The following YIPF7 variants were observed in gnomAD, a reference collection of about 807,000 sequenced individuals.
The protein encoded by YIPF7 is protein YIPF7.
A neutral mutation model predicts 27.2 loss-of-function variants in YIPF7; 35 were observed. The observed-to-expected ratio is 1.29, with a 90% confidence interval of 0.98 to 1.70. The LOEUF (loss-of-function observed/expected upper bound fraction) is 1.70. Among genes scored for constraint, YIPF7 ranks in the 40% most tolerant of loss-of-function variants. The probability of loss-of-function intolerance (pLI) is 0.00; values close to 1 mark genes in which losing one functional copy is unlikely to be tolerated. For synonymous variants in YIPF7, 137 were observed against 110.4 expected (o/e 1.24, Z -1.51); for missense variants, 358 against 303.7 (o/e 1.18, Z -1.33).
intron 5 of YIPF7, 74 bp downstream of exon 5, chr4:44,624,527 A>C: frequency 7.0e-7 from 1 of 1,428,286 alleles, no homozygotes; most frequent in Admixed American, 2.8e-5. Flanking sequence ...GGAAGGGCTC[A>C]ACTTTTTCAT....
chr4:44,651,938 A>G (rs1713751480), upstream of YIPF7, among the ~76,000 whole-genome samples: 1 of 152,232 alleles, frequency 6.6e-6, no homozygotes, highest in Admixed American at 6.5e-5. Flanking sequence ...GGATTTCCTA[A>G]TAATATGCAG....
chr4:44,629,939 G>A (rs111995095), intron 3 of YIPF7, among the ~76,000 whole-genome samples: 2,176 of 152,178 alleles, frequency 0.014, 46 homozygotes, highest in African/African-American at 0.049. Context: ...TCATCCTATT[G>A]TCCATCTAGA....
chr4:44,637,539 GTCT>G (rs948227886), intron 2 of YIPF7, among the ~76,000 whole-genome samples: 5 of 152,150 alleles, frequency 3.3e-5, no homozygotes, highest in African/African-American at 1.2e-4. Flanking sequence ...CCATTCGTAT[GTCT>G]TCTTTTGAAA....
chr4:44,652,496 A>G (rs1577745234), upstream of YIPF7, among the ~76,000 whole-genome samples: 1 of 152,246 alleles, frequency 6.6e-6, no homozygotes. Flanking sequence ...ATAATTTGGC[A>G]CTTAAGAATC....
chr4:44,624,221 T>G (rs1184290126), intron 5 of YIPF7, among the ~76,000 whole-genome samples: 2 of 151,806 alleles, frequency 1.3e-5, no homozygotes, highest in East Asian at 3.9e-4. Flanking sequence ...TGCGCCACCA[T>G]GCCTGGCTAA....
chr4:44,627,040 C>T (rs1201559499), intron 4 of YIPF7, among the ~76,000 whole-genome samples: 1 of 151,914 alleles, frequency 6.6e-6, no homozygotes. Context: ...CCTCGGCCTC[C>T]CAAAGTGCTG....
intron 5 of YIPF7, among the ~76,000 whole-genome samples, chr4:44,623,640 A>G (rs1200366883): frequency 6.6e-6 from 1 of 152,232 alleles, no homozygotes. Context: ...TAAAACACCA[A>G]ATAAGTACTA....
rs1447039308 is a variant in YIPF7, at chr4:44,624,788, ACGACGTG to A, written c.427-13_427-7del. On this transcript the variant is annotated splice_polypyrimidine_tract_variant and splice_region_variant and intron_variant, in intron 4 of 5. Coordinates refer to ENST00000415895, the MANE Select transcript of YIPF7 (RefSeq NM_182592.3). ...CCAAACTGAACTTTTCCTGCCTGAA[ACGACGTG>A]AAGAAAAAACAGTTTGAACACACAA... The A allele has an allele frequency of 6.2e-7, 1 of 1,603,882 alleles. No homozygotes were observed. Among genetic ancestry groups the A allele is most frequent in the Admixed American group, 1.7e-5 (1 of 58,142 alleles).
At chr4:44,640,584 A>T (rs1713290332) in intron 2 of YIPF7, among the ~76,000 whole-genome samples, 2 of 152,138 alleles carry the variant, frequency 1.3e-5, no homozygotes, top group South Asian at 4.1e-4. Context: ...TTGGCCAGTG[A>T]GTAAGAGACT....
chr4:44,633,767 T>A (rs530241385), intron 3 of YIPF7, among the ~76,000 whole-genome samples: 2 of 152,224 alleles, frequency 1.3e-5, no homozygotes, highest in African/African-American at 4.8e-5. Context: ...TTAATATGGT[T>A]ACTATATAAA....
chr4:44,651,423 A>G (rs1457380859), intron 1 of YIPF7, 131 bp downstream of exon 1: 1 of 482,504 alleles, frequency 2.1e-6, no homozygotes, highest in African/African-American at 2.0e-5. Context: ...AGAGTAATTT[A>G]TTGAGAATAC....
intron 2 of YIPF7, among the ~76,000 whole-genome samples, chr4:44,659,741 A>G (rs1287469911): frequency 6.6e-6 from 1 of 152,156 alleles, no homozygotes; most frequent in Non-Finnish European, 1.5e-5. Context: ...AAAGCACTAT[A>G]AAACGTCTAT....
chr4:44,651,019 A>C (rs1286450075), intron 1 of YIPF7, among the ~76,000 whole-genome samples: 1 of 152,210 alleles, frequency 6.6e-6, no homozygotes, highest in Non-Finnish European at 1.5e-5. Context: ...GTTATTTTAA[A>C]AGAGTGGATT....
intron 2 of YIPF7, among the ~76,000 whole-genome samples, chr4:44,647,447 G>T (rs180898127): frequency 9.2e-5 from 14 of 152,092 alleles, no homozygotes; most frequent in Non-Finnish European, 1.3e-4. Context: ...AAGGTTTAAG[G>T]CAACTAGTTC....
chr4:44,655,659 A>G (rs1463836730), upstream of YIPF7, among the ~76,000 whole-genome samples: 2 of 152,072 alleles, frequency 1.3e-5, no homozygotes, highest in East Asian at 3.8e-4. Context: ...CTGTATTGCA[A>G]TTTAATGCAC....
upstream of YIPF7, among the ~76,000 whole-genome samples, chr4:44,655,521 A>G (rs995584700): frequency 6.6e-6 from 1 of 151,946 alleles, no homozygotes; most frequent in Non-Finnish European, 1.5e-5. Context: ...TCTACCCCAA[A>G]TATTTTCAGC....
chr4:44,623,104 T>A (rs1402959040), intron 5 of YIPF7, among the ~76,000 whole-genome samples: 2 of 152,194 alleles, frequency 1.3e-5, no homozygotes, highest in African/African-American at 4.8e-5. Context: ...AGCACATATG[T>A]GTGTGGCTTC....
At chr4:44,622,959 G>C (rs73191038) in intron 5 of YIPF7, among the ~76,000 whole-genome samples, 7 of 152,246 alleles carry the variant, frequency 4.6e-5, no homozygotes, top group Admixed American at 1.3e-4. Flanking sequence ...GGCCAACAGC[G>C]TAGGAGAAAG....
intron 2 of YIPF7, among the ~76,000 whole-genome samples, chr4:44,638,561 G>A (rs1213897393): frequency 1.3e-5 from 2 of 152,060 alleles, no homozygotes; most frequent in East Asian, 3.9e-4. Context: ...AGGGTTTTTG[G>A]CTGTTGAATT....
Sources: gnomAD v4.1 joint callset for allele counts (sites outside exome capture counted in the v4.1 genomes callset) on GRCh38, gnomAD v4.1.1 for gene constraint, MANE v1.5 for transcripts, NCBI Gene and HGNC (gene_info 2026-07-23, HGNC 2026-07-21) for gene names.